GM2A: variants seen among roughly 807,000 people sequenced by gnomAD.
GM2A encodes the protein ganglioside GM2 activator.
Under a neutral mutation model 12.9 loss-of-function variants are expected in GM2A, and 7 were observed. The observed-to-expected ratio is 0.54, with a 90% CI of 0.31 to 1.02. The LOEUF is 1.02. Ranked by LOEUF, GM2A falls within the 50% of genes least tolerant of loss-of-function variation. The pLI, the probability that GM2A is intolerant of heterozygous loss-of-function variation, is 0.05. For missense variants in GM2A, 246 were observed against 241.0 expected, an observed-to-expected ratio of 1.02 and a Z score of -0.14; for synonymous variants, 101 against 96.0, an observed-to-expected ratio of 1.05 and a Z score of -0.30.
intron 1 of GM2A, among the ~76,000 whole-genome samples, chr5:151,255,006 T>A (rs559483996): frequency 3.9e-5 from 6 of 152,112 alleles, no homozygotes; most frequent in African/African-American, 1.4e-4. Flanking sequence ...TTTGTCAATT[T>A]AAAAAAAACC....
chr5:151,267,440 A>G lies in GM2A; in HGVS notation c.571A>G (p.Lys191Glu). Residue 191 changes from lysine (K) to glutamate (E), a missense_variant, in exon 4 of 4, where the codon AAG becomes GAG. By Grantham distance (56) the Lys-to-Glu change is moderately conservative. Coordinates refer to ENST00000357164, the MANE Select transcript of GM2A (RefSeq NM_000405.5). Reference protein sequence around the residue: ...LGCIKIAASLKGI With the variant: ...LGCIKIAASLEGI ...CTGCATCAAGATCGCTGCCTCTCTAAAGGGCATATAACATGGCATCTGCCA... is the reference window on the plus strand; with the variant it reads ...CTGCATCAAGATCGCTGCCTCTCTAGAGGGCATATAACATGGCATCTGCCA... The G allele has an allele frequency of 6.2e-7, 1 of 1,614,104 alleles. No homozygotes were observed. Among genetic ancestry groups the G allele is most frequent in the Non-Finnish European group, 8.5e-7 (1 of 1,179,984 alleles).
chr5:151,261,941 A>G (rs973720689), intron 2 of GM2A, among the ~76,000 whole-genome samples: 2 of 152,114 alleles, frequency 1.3e-5, no homozygotes, highest in East Asian at 3.8e-4. Flanking sequence ...AATTATTCTT[A>G]TAGTACATCT....
chr5:151,260,408 A>G (rs555369856), intron 2 of GM2A, among the ~76,000 whole-genome samples: 1 of 152,320 alleles, frequency 6.6e-6, no homozygotes, highest in South Asian at 2.1e-4. Flanking sequence ...TTTTGAGGTC[A>G]GGAGTTTGAG....
At chr5:151,258,730 T>C (rs372281399) in intron 1 of GM2A, among the ~76,000 whole-genome samples, 45 of 152,294 alleles carry the variant, frequency 3.0e-4, no homozygotes, top group African/African-American at 1.1e-3. Context: ...AGAGAGAATC[T>C]GTCAGCCTAG....
At chr5:151,257,083 T>C (rs1753703985) in intron 1 of GM2A, among the ~76,000 whole-genome samples, 1 of 152,170 alleles carries the variant, frequency 6.6e-6, no homozygotes, top group Non-Finnish European at 1.5e-5. Context: ...CTGGCTGAGC[T>C]GGGTTTTAAC....
intron 3 of GM2A, 34 bp from the exon 4 acceptor site, chr5:151,267,262 C>T (rs762981690): frequency 6.2e-7 from 1 of 1,613,990 alleles, no homozygotes; most frequent in African/African-American, 1.3e-5. Flanking sequence ...TCAGTAGGCT[C>T]CCACTGACTG....
intron 1 of GM2A, among the ~76,000 whole-genome samples, chr5:151,259,490 G>C (rs571763910): frequency 2.6e-5 from 4 of 152,256 alleles, no homozygotes; most frequent in Admixed American, 2.6e-4. Context: ...GGAAGTTCCA[G>C]GTCTATCATA....
rs1049829299 is a variant in GM2A at position 151,269,462 on chromosome 5, A to G, written c.*2011A>G. On this transcript the variant is annotated 3_prime_UTR_variant, in exon 4 of 4. Coordinates refer to ENST00000357164, the MANE Select transcript of GM2A (RefSeq NM_000405.5). The stretch of plus-strand genomic sequence containing the variant: ...TGTTTGCTATTTTGCTTTCCATCAC[A>G]TCATGACTGCGGAGAGCAAAAATCA... 7 of 985,006 alleles carry G rather than the reference A, an allele frequency of 7.1e-6. No homozygotes were observed. The African/African-American group carries it at 1.0e-4, about 15-fold the overall frequency. 61.0% of individuals were successfully genotyped at this position (985,006 alleles called of 1,614,324 possible). A position where few individuals can be genotyped will look rare whatever the true frequency, so the allele number is the denominator to read the frequency against.
intron 2 of GM2A, among the ~76,000 whole-genome samples, 153 bp from the exon 3 acceptor site, chr5:151,266,578 C>G (rs538159791): frequency 6.6e-6 from 1 of 152,280 alleles, no homozygotes; most frequent in African/African-American, 2.4e-5. Context: ...TGTTGCCATT[C>G]CTAGAACAGA....
intron 2 of GM2A, among the ~76,000 whole-genome samples, chr5:151,264,167 C>T (rs1024890547): frequency 2.0e-5 from 3 of 152,226 alleles, no homozygotes; most frequent in African/African-American, 7.2e-5. Context: ...ACTTGGCTCC[C>T]CCAGCACCCA....
rs542291291 is a variant in GM2A, at chr5:151,267,696, G to C, written c.*245G>C. On this transcript the variant is annotated 3_prime_UTR_variant, in exon 4 of 4. Coordinates refer to ENST00000357164, the MANE Select transcript of GM2A (RefSeq NM_000405.5). Reference sequence around the variant, plus strand: ...CCAGGGCATCTGCTGGGCTGACCACGTTACTCATCCCCGTTAACATTCTCT... The same window carrying C: ...CCAGGGCATCTGCTGGGCTGACCACCTTACTCATCCCCGTTAACATTCTCT... 27 of 1,437,504 alleles carry C rather than the reference G, an allele frequency of 1.9e-5. No individual in the cohort carries two copies. The Admixed American group carries it at 3.4e-4, about 18-fold the overall frequency. 89.0% of individuals were successfully genotyped at this position (1,437,504 alleles called of 1,614,324 possible).
chr5:151,254,142 T>C (rs1262190035), intron 1 of GM2A, among the ~76,000 whole-genome samples: 2 of 152,226 alleles, frequency 1.3e-5, no homozygotes, highest in African/African-American at 2.4e-5. Flanking sequence ...AATTTCTTTA[T>C]CCATCAAGTG....
chr5:151,266,345 G>T (rs1202232611), intron 2 of GM2A, among the ~76,000 whole-genome samples: 1 of 151,450 alleles, frequency 6.6e-6, no homozygotes, highest in East Asian at 1.9e-4. Flanking sequence ...GGGTGTGGTG[G>T]CATGTGCCTG....
intron 2 of GM2A, among the ~76,000 whole-genome samples, chr5:151,265,956 G>C (rs1039627067): frequency 6.6e-6 from 1 of 152,160 alleles, no homozygotes; most frequent in East Asian, 1.9e-4. Context: ...GTGGCTGTAC[G>C]GAGAAAATGT....
In GM2A at chr5:151,268,129, A is replaced by T; in HGVS notation, c.*678A>T. 1.0e-6 allele frequency: 1 copy of T among 983,770 alleles called. No homozygotes were observed. Among genetic ancestry groups the T allele is most frequent in the Non-Finnish European group, 1.2e-6 (1 of 829,990 alleles). 60.9% of individuals were successfully genotyped at this position (983,770 alleles called of 1,614,324 possible). A position where few individuals can be genotyped will look rare whatever the true frequency, so the allele number is the denominator to read the frequency against. ...ATGACTGATAAGAACCGTGAGAAACATGTTGCTTCCAGGCTTGATTTCGAT... is the reference window on the plus strand; with the variant it reads ...ATGACTGATAAGAACCGTGAGAAACTTGTTGCTTCCAGGCTTGATTTCGAT... On this transcript the variant is annotated 3_prime_UTR_variant, in exon 4 of 4. Coordinates refer to ENST00000357164, the MANE Select transcript of GM2A (RefSeq NM_000405.5).
intron 1 of GM2A, 131 bp from the exon 2 acceptor site, chr5:151,259,624 G>A (rs1753755677): frequency 2.7e-6 from 2 of 751,856 alleles, no homozygotes; most frequent in Admixed American, 4.0e-5. Flanking sequence ...GAGTCTCATA[G>A]ATGAGGCTCA....
chr5:151,254,592 T>C (rs1753649333), intron 1 of GM2A, among the ~76,000 whole-genome samples: 1 of 152,202 alleles, frequency 6.6e-6, no homozygotes, highest in South Asian at 2.1e-4. Flanking sequence ...TCCTTAACTT[T>C]CCATGAGGTT....
Position 151,270,277 on chromosome 5 carries a change from GA to G in GM2A, c.*2830del. On this transcript the variant is annotated 3_prime_UTR_variant, in exon 4 of 4. Transcript: ENST00000357164. ...ATCTGGATCCAGGATCCAAATGTAA[GA>G]AAATGAAGCCATATAAATACAGAAG... The G allele has an allele frequency of 2.3e-6, 1 of 426,756 alleles. No homozygotes were observed. Among genetic ancestry groups the G allele is most frequent in the Non-Finnish European group, 4.0e-6 (1 of 251,894 alleles). 26.4% of individuals were successfully genotyped at this position (426,756 alleles called of 1,614,324 possible). A position where few individuals can be genotyped will look rare whatever the true frequency, so the allele number is the denominator to read the frequency against.
Position 151,267,709 on chromosome 5 carries a change from G to T in GM2A, c.*258G>T. 8.6e-6 allele frequency: 12 copies of T among 1,400,652 alleles called. No homozygotes were observed. The highest frequency in any genetic ancestry group is 1.1e-5 in the Non-Finnish European group (12 of 1,064,356). The allele number at this position is 1,400,652 out of a possible 1,614,324, so 86.8% of individuals were successfully genotyped here. ...TGGGCTGACCACGTTACTCATCCCC[G>T]TTAACATTCTCTCTAAAGAGCCTCG... On this transcript the variant is annotated 3_prime_UTR_variant, in exon 4 of 4. Transcript: ENST00000357164.
Sources: allele counts gnomAD v4.1 joint callset (sites outside exome capture counted in the v4.1 genomes callset), GRCh38; gene constraint gnomAD v4.1.1; transcripts MANE v1.5; gene names NCBI Gene and HGNC (gene_info 2026-07-23, HGNC 2026-07-21).